The following RHOG variants were observed in gnomAD, a reference collection of about 807,000 sequenced individuals.
RHOG encodes the protein ras homolog family member G, also known as rho-related GTP-binding protein RhoG.
Under a neutral mutation model 12.3 loss-of-function variants are expected in RHOG, and 1 was observed. The ratio of observed to expected loss-of-function variants is 0.08; its 90% confidence interval spans 0.03 to 0.39. The LOEUF (loss-of-function observed/expected upper bound fraction) is 0.39, where lower values mean the gene tolerates loss of function less well. Among genes scored for constraint, RHOG ranks in the 10% least tolerant of loss-of-function variants. RHOG has a pLI of 0.99. For missense variants in RHOG, 114 were observed against 266.2 expected (o/e 0.43, Z 3.98); for synonymous variants, 129 against 116.0 (o/e 1.11, Z -0.72).
chr11:3,839,606 C>CACACACACACACACACACACAG (rs2090179007), intron 1 of RHOG, among the ~76,000 whole-genome samples: 1 of 149,652 alleles, frequency 6.7e-6, no homozygotes, highest in African/African-American at 2.5e-5. Context: ...CACGCAAACA[C>CACACACACACACACACACACAG]ACACACACAC....
intron 1 of RHOG, among the ~76,000 whole-genome samples, chr11:3,837,534 G>C (rs901927376): frequency 1.3e-4 from 20 of 152,210 alleles, no homozygotes; most frequent in African/African-American, 4.8e-4. Context: ...GGAAGAGTCA[G>C]AGCCATGATG....
Position 3,828,019 on chromosome 11 carries a change from G to A in RHOG, c.120C>T (p.Tyr40=), listed in dbSNP as rs1240604238. 6.2e-7 allele frequency: 1 copy of A among 1,614,174 alleles called. No homozygotes were observed. The highest frequency in any genetic ancestry group is 1.3e-5 in the African/African-American group (1 of 74,962). Residue 40 remains tyrosine (Y), a synonymous_variant, in exon 2 of 2, where the codon TAC becomes TAT. Transcript: ENST00000351018. ...KEYIPTVFDN[Y]SAQSAVDGRT... ...GCCCGTCAACTGCGCTCTGCGCGCT[G>A]TAATTGTCGAACACGGTGGGGATGT...
chr11:3,829,701 C>T (rs1029216506), intron 1 of RHOG, among the ~76,000 whole-genome samples: 10 of 152,088 alleles, frequency 6.6e-5, no homozygotes, highest in African/African-American at 2.4e-4. Context: ...GAGGCTGAGG[C>T]TCCCAGACAT....
At chr11:3,836,370 A>AAG (rs1223423195) in intron 1 of RHOG, among the ~76,000 whole-genome samples, 5 of 95,892 alleles carry the variant, frequency 5.2e-5, no homozygotes, top group East Asian at 6.0e-4. Context: ...AAAAAAAAAA[A>AAG]AAAGAAAGAA....
chr11:3,828,899 C>CA (rs573606480), intron 1 of RHOG, among the ~76,000 whole-genome samples: 197 of 151,764 alleles, frequency 1.3e-3, no homozygotes, highest in Middle Eastern at 3.4e-3. Flanking sequence ...GGATTACAGG[C>CA]GTGAGCCACT....
At position 3,827,649 on chromosome 11, in the gene RHOG, C is replaced by T; in HGVS notation, c.490G>A (p.Gly164Ser). ...YLECSALQQD[G>S]VKEVFAEAVR... is the part of the protein sequence containing the mutation. ...GCCTCGGCGAACACTTCCTTGACAC[C>T]ATCCTGTTGCAGGGCTGAGCATTCG... Residue 164 changes from glycine to serine, a missense_variant, in exon 2 of 2, where the codon GGT becomes AGT. By Grantham distance (56) the Gly-to-Ser change is moderately conservative (BLOSUM62 0). This residue lies in a region of RHOG where 61 missense variants were observed against 101.4 expected (regional missense o/e 0.60). Transcript: ENST00000351018. The surrounding 1 kb of genome is among the most constrained non-coding windows in gnomAD (Gnocchi z 7.3). 2 of 1,613,928 alleles carry T rather than the reference C, an allele frequency of 1.2e-6. No homozygotes were observed. The highest frequency in any genetic ancestry group is 1.7e-6 in the Non-Finnish European group (2 of 1,180,030).
At chr11:3,839,079 G>A (rs376443562) in intron 1 of RHOG, among the ~76,000 whole-genome samples, 45 of 152,286 alleles carry the variant, frequency 3.0e-4, no homozygotes, top group African/African-American at 1.1e-3. Flanking sequence ...TCTTAAGTCC[G>A]AAGTTAGACC....
rs2090095054 is a variant in RHOG, at chr11:3,828,008, C to G, written c.131G>C (p.Ser44Thr). 6.2e-7 allele frequency: 1 copy of G among 1,614,178 alleles called. No individual in the cohort carries two copies. Among genetic ancestry groups the G allele is most frequent in the Admixed American group, 1.7e-5 (1 of 60,018 alleles). The part of the protein sequence containing the change: ...PTVFDNYSAQ[S>T]AVDGRTVNLN... ...GTTCACTGTGCGCCCGTCAACTGCGCTCTGCGCGCTGTAATTGTCGAACAC... is the reference window on the plus strand; with the variant it reads ...GTTCACTGTGCGCCCGTCAACTGCGGTCTGCGCGCTGTAATTGTCGAACAC... Residue 44 changes from serine (S) to threonine (T), a missense_variant, in exon 2 of 2, where the codon AGC (serine) becomes ACC (threonine). Transcript: ENST00000351018.
intron 1 of RHOG, among the ~76,000 whole-genome samples, chr11:3,829,622 G>A (rs527899811): frequency 6.6e-6 from 1 of 152,162 alleles, no homozygotes; most frequent in South Asian, 2.1e-4. Context: ...TCAATGCAGG[G>A]GAATACTGGA....
In RHOG at chr11:3,827,406, C is replaced by T; in HGVS notation, c.*157G>A. On this transcript the variant is annotated 3_prime_UTR_variant, in exon 2 of 2. Transcript: ENST00000351018. This position sits in a 1 kb window ranked among gnomAD's most constrained non-coding sequence, Gnocchi z 7.3. Reference sequence around the variant, plus strand: ...CAAAGCCCCTTTCTCTGCAGGCCTCCTTAAGGAGAAAAAGGCACTCAGAGA... The same window carrying T: ...CAAAGCCCCTTTCTCTGCAGGCCTCTTTAAGGAGAAAAAGGCACTCAGAGA... The T allele has an allele frequency of 1.6e-6, 1 of 634,858 alleles. No individual in the cohort carries two copies. Among genetic ancestry groups the T allele is most frequent in the Non-Finnish European group, 2.7e-6 (1 of 366,810 alleles). The allele number at this position is 634,858 out of a possible 1,614,324, so 39.3% of individuals were successfully genotyped here.
intron 1 of RHOG, among the ~76,000 whole-genome samples, chr11:3,838,410 T>C (rs1190153912): frequency 1.3e-5 from 2 of 152,188 alleles, no homozygotes; most frequent in Non-Finnish European, 2.9e-5. Flanking sequence ...TTACGCAGAA[T>C]ACTAAAGTAA....
At position 3,827,728 on chromosome 11, in the gene RHOG, G is replaced by A. The variant is rs1447913998; in HGVS notation, c.411C>T (p.Ile137=). Residue 137 remains isoleucine (I), a synonymous_variant, in exon 2 of 2, where the codon ATC becomes ATT. Coordinates refer to ENST00000351018, the MANE Select transcript of RHOG (RefSeq NM_001665.4). The surrounding 1 kb of genome is among the most constrained non-coding windows in gnomAD (Gnocchi z 7.3). The part of the protein sequence containing the change: ...RRLKEQGQAP[I]TPQQGQALAK... ...CCAGTGCCTGGCCCTGCTGCGGTGT[G>A]ATGGGCGCCTGGCCCTGCTCCTTGA... 2 of 1,614,074 alleles carry A rather than the reference G, an allele frequency of 1.2e-6. No individual in the cohort carries two copies. Among genetic ancestry groups the A allele is most frequent in the Non-Finnish European group, 1.7e-6 (2 of 1,180,020 alleles).
intron 1 of RHOG, among the ~76,000 whole-genome samples, chr11:3,829,029 T>C (rs1327255502): frequency 6.6e-6 from 1 of 151,768 alleles, no homozygotes; most frequent in Admixed American, 6.6e-5. Flanking sequence ...ACCAGGAGAC[T>C]GGAAAGTGTT....
At chr11:3,837,573 T>C (rs553792240) in intron 1 of RHOG, among the ~76,000 whole-genome samples, 1 of 152,298 alleles carries the variant, frequency 6.6e-6, no homozygotes, top group South Asian at 2.1e-4. Flanking sequence ...GGTACTGATA[T>C]GCAACTCCTT....
intron 1 of RHOG, chr11:3,830,632 T>C (rs1216518961): frequency 1.4e-5 from 2 of 146,676 alleles, no homozygotes; most frequent in African/African-American, 5.1e-5. Flanking sequence ...CTCCAGCCTG[T>C]GCGACAGAGC....
intron 1 of RHOG, among the ~76,000 whole-genome samples, chr11:3,833,540 A>AGT (rs1377628678): frequency 6.6e-6 from 1 of 152,202 alleles, no homozygotes; most frequent in Non-Finnish European, 1.5e-5. Flanking sequence ...AAGGGATATT[A>AGT]GAGTTACGTA....
chr11:3,829,839 C>T (rs770987766), intron 1 of RHOG, among the ~76,000 whole-genome samples: 1 of 151,778 alleles, frequency 6.6e-6, no homozygotes, highest in South Asian at 2.1e-4. Flanking sequence ...CTCCACCTCC[C>T]GGGTTCAAGC....
In RHOG at chr11:3,828,213, A is replaced by G. The variant is rs2090098941; in HGVS notation, c.-68-7T>C. On this transcript the variant is annotated splice_region_variant and splice_polypyrimidine_tract_variant and intron_variant, in intron 1 of 1. Transcript: ENST00000351018. The stretch of plus-strand genomic sequence containing the variant: ...CCCCTCTGGCTGCAGTGACCTGTGG[A>G]CAGATGAAAGGGGACATTCTTGGTT... 1 of 1,363,400 alleles carries G rather than the reference A, an allele frequency of 7.3e-7. No homozygotes were observed. The highest frequency in any genetic ancestry group is 1.0e-6 in the Non-Finnish European group (1 of 984,864). The allele number at this position is 1,363,400 out of a possible 1,614,324, so 84.5% of individuals were successfully genotyped here. A position where few individuals can be genotyped will look rare whatever the true frequency, so the allele number is the denominator to read the frequency against.
At chr11:3,831,840 A>T (rs1047940577) in intron 1 of RHOG, among the ~76,000 whole-genome samples, 3 of 152,198 alleles carry the variant, frequency 2.0e-5, no homozygotes, top group African/African-American at 7.2e-5. Context: ...AGTATGACTG[A>T]AAAGCCCAGC....
Sources: gnomAD v4.1 joint callset for allele counts (sites outside exome capture counted in the v4.1 genomes callset) on GRCh38, gnomAD v4.1.1 for gene constraint, gnomAD v4.1.1 regional missense constraint, Gnocchi (gnomAD v3.1) non-coding constraint, MANE v1.5 for transcripts, NCBI Gene and HGNC (gene_info 2026-07-23, HGNC 2026-07-21) for gene names.